TNKS: variants seen among roughly 807,000 people sequenced by gnomAD.
The protein encoded by TNKS is tankyrase.
A neutral mutation model predicts 135.8 loss-of-function variants in TNKS; 72 were observed. The observed-to-expected ratio is 0.53, with a 90% confidence interval of 0.44 to 0.64. The LOEUF is 0.64. TNKS is among the 30% of genes least tolerant of loss of function. The pLI is 0.00. For synonymous variants in TNKS, 849 were observed against 649.3 expected (o/e 1.31, Z -4.68); for missense variants, 1,769 against 1,674.0 (o/e 1.06, Z -0.99).
intron 5 of TNKS, among the ~76,000 whole-genome samples, chr8:9,685,936 C>A (rs192965002): frequency 6.6e-6 from 1 of 152,042 alleles, no homozygotes; most frequent in Non-Finnish European, 1.5e-5. Flanking sequence ...TGATCAGTAC[C>A]CCCGTCTCTC....
In TNKS at chr8:9,763,201, A is replaced by G. The variant is rs1448292745; in HGVS notation, c.3329A>G (p.Asp1110Gly). ...GTTAATCAGGGAACGATTTTGCTGG[A>G]TCTTGCTCCAGAAGATAAAGAATAT... ...HCVNQGTILL[D>G]LAPEDKEYQS... The change falls in exon 22 of 27, where the codon GAT becomes GGT. Residue 1110 changes from aspartate (D) to glycine (G), a missense_variant. Asp to Gly is a moderately conservative substitution (Grantham distance 94, BLOSUM62 -1). Around this residue, in one of 5 missense-constraint regions of TNKS, gnomAD observed 722 missense variants for 688.9 expected, o/e 1.05. Transcript: ENST00000310430. 1 of 1,607,432 alleles carries G rather than the reference A, an allele frequency of 6.2e-7. No homozygotes were observed. Among genetic ancestry groups the G allele is most frequent in the Non-Finnish European group, 8.5e-7 (1 of 1,176,398 alleles).
chr8:9,647,528 C>T (rs1054303196), intron 3 of TNKS, among the ~76,000 whole-genome samples: 15 of 152,102 alleles, frequency 9.9e-5, no homozygotes, highest in African/African-American at 3.6e-4. Context: ...AATACCAAGC[C>T]TTTTAAGAGG....
At chr8:9,696,533 T>C (rs908589667) in intron 5 of TNKS, among the ~76,000 whole-genome samples, 46 of 152,206 alleles carry the variant, frequency 3.0e-4, no homozygotes, top group Non-Finnish European at 4.4e-4. Context: ...TATGATTTTA[T>C]TCTAAGTATA....
intron 3 of TNKS, among the ~76,000 whole-genome samples, chr8:9,646,667 C>T (rs1221709118): frequency 1.3e-5 from 2 of 152,104 alleles, no homozygotes; most frequent in Admixed American, 6.6e-5. Context: ...GCCATTTAGT[C>T]CAAATAATCA....
intron 1 of TNKS, among the ~76,000 whole-genome samples, chr8:9,569,009 C>G (rs571233431): frequency 1.4e-4 from 22 of 152,302 alleles, no homozygotes; most frequent in African/African-American, 4.6e-4. Context: ...CAAATGTTGA[C>G]ACATTTTACT....
intron 18 of TNKS, among the ~76,000 whole-genome samples, chr8:9,750,664 C>A (rs1806472190): frequency 6.6e-6 from 1 of 152,218 alleles, no homozygotes. Flanking sequence ...CCACCAGCAC[C>A]CCACTTCCAG....
rs1032853755 is a variant in TNKS at position 9,642,586 on chromosome 8, G to A, written c.994+26909G>A. On this transcript the variant is annotated intron_variant, in intron 3 of 26. Coordinates refer to ENST00000310430, the MANE Select transcript of TNKS (RefSeq NM_003747.3). ...ATAATTTGTTAGACTTTTTCATAAT[G>A]TTTTAAAGTAAATCTTTCAGTGTTC... Among the ~76,000 whole-genome samples, 7 of 146,184 alleles carry A rather than the reference G, an allele frequency of 4.8e-5. 1 individual carries two copies. The highest frequency in any genetic ancestry group is 1.1e-4 in the Non-Finnish European group (7 of 66,640).
At chr8:9,577,582 C>G (rs960307368) in intron 1 of TNKS, among the ~76,000 whole-genome samples, 2 of 152,058 alleles carry the variant, frequency 1.3e-5, no homozygotes, top group Non-Finnish European at 2.9e-5. Flanking sequence ...TTTTAAACAA[C>G]CAGATCTTGT....
At chr8:9,601,804 A>G (rs954988756) in intron 2 of TNKS, among the ~76,000 whole-genome samples, 2 of 152,140 alleles carry the variant, frequency 1.3e-5, no homozygotes, top group African/African-American at 4.8e-5. Context: ...ACTATTTACT[A>G]CTATTATCTT....
chr8:9,724,773 T>C (rs1805080082), intron 12 of TNKS, among the ~76,000 whole-genome samples: 1 of 152,232 alleles, frequency 6.6e-6, no homozygotes, highest in African/African-American at 2.4e-5. Context: ...AATAATTCTT[T>C]TCTCATAGTT....
intron 3 of TNKS, among the ~76,000 whole-genome samples, chr8:9,625,954 A>T (rs774993847): frequency 3.3e-5 from 5 of 151,996 alleles, no homozygotes; most frequent in Non-Finnish European, 5.9e-5. Flanking sequence ...TGAGTTCTAT[A>T]TCCTTGCTGA....
At chr8:9,629,169 G>A (rs1381331476) in intron 3 of TNKS, among the ~76,000 whole-genome samples, 2 of 152,196 alleles carry the variant, frequency 1.3e-5, no homozygotes, top group Non-Finnish European at 2.9e-5. Context: ...GCTGGCACTA[G>A]AATATAAATC....
chr8:9,725,738 C>T (rs1460017098), intron 12 of TNKS, among the ~76,000 whole-genome samples: 1 of 152,190 alleles, frequency 6.6e-6, no homozygotes, highest in African/African-American at 2.4e-5. Context: ...AATGTGTGCT[C>T]ATTCTAAAAG....
intron 1 of TNKS, among the ~76,000 whole-genome samples, chr8:9,578,648 C>G (rs1191669916): frequency 6.6e-6 from 1 of 151,962 alleles, no homozygotes; most frequent in African/African-American, 2.4e-5. Context: ...TTCTTTTTTC[C>G]CCTTACTCTT....
At chr8:9,635,193 A>C (rs1016057507) in intron 3 of TNKS, among the ~76,000 whole-genome samples, 1 of 151,956 alleles carries the variant, frequency 6.6e-6, no homozygotes, top group African/African-American at 2.4e-5. Context: ...AAAAAAAAGT[A>C]ATGAACTGCT....
At chr8:9,625,119 G>T (rs1490367161) in intron 3 of TNKS, among the ~76,000 whole-genome samples, 1 of 151,810 alleles carries the variant, frequency 6.6e-6, no homozygotes, top group African/African-American at 2.4e-5. Flanking sequence ...GAAACTAATT[G>T]GGTTATTTAT....
chr8:9,660,061 C>A (rs1254205147), intron 3 of TNKS, among the ~76,000 whole-genome samples: 3 of 152,156 alleles, frequency 2.0e-5, no homozygotes, highest in Non-Finnish European at 4.4e-5. Flanking sequence ...TCTGAATAGA[C>A]CAACAACAGG....
chr8:9,766,745 A>G (rs574329284), intron 25 of TNKS, among the ~76,000 whole-genome samples: 4 of 152,062 alleles, frequency 2.6e-5, no homozygotes, highest in Non-Finnish European at 5.9e-5. Flanking sequence ...CGGCCTCCCA[A>G]AATGCTGGGA....
intron 3 of TNKS, among the ~76,000 whole-genome samples, chr8:9,675,534 C>A (rs1160592388): frequency 6.6e-6 from 1 of 152,136 alleles, no homozygotes; most frequent in African/African-American, 2.4e-5. Flanking sequence ...TTCTTTATTC[C>A]TGAAATTCCC....
Sources: allele counts gnomAD v4.1 joint callset (sites outside exome capture counted in the v4.1 genomes callset), GRCh38; gene constraint gnomAD v4.1.1; regional missense constraint gnomAD v4.1.1; transcripts MANE v1.5; gene names NCBI Gene and HGNC (gene_info 2026-07-23, HGNC 2026-07-21).